DYNC2I2: variants seen among roughly 807,000 people sequenced by gnomAD.
DYNC2I2 encodes the protein cytoplasmic dynein 2 intermediate chain 2.
DYNC2I2 carries 39 observed loss-of-function variants against 52.0 expected under a neutral mutation model. The ratio of observed to expected loss-of-function variants is 0.75; its 90% CI spans 0.58 to 0.98. DYNC2I2 has a LOEUF of 0.98. DYNC2I2 is among the 50% of genes least tolerant of loss of function. The pLI is 0.00. For synonymous variants in DYNC2I2, 359 were observed against 321.1 expected, an observed-to-expected ratio of 1.12 and a Z score of -1.26; for missense variants, 743 against 728.4, an observed-to-expected ratio of 1.02 and a Z score of -0.23.
At chr9:128,636,855 G>A in intron 3 of DYNC2I2, 63 bp downstream of exon 3, 1 of 1,305,980 alleles carries the variant, frequency 7.7e-7, no homozygotes, top group Admixed American at 1.9e-5. Flanking sequence ...CAGCTACAGA[G>A]ACAAGGCCCA....
At chr9:128,644,685 G>A (rs928885425) in intron 1 of DYNC2I2, among the ~76,000 whole-genome samples, 15 of 152,130 alleles carry the variant, frequency 9.9e-5, no homozygotes, top group South Asian at 8.3e-4. Context: ...GTGTCACTGC[G>A]CTCTGCTTCA....
chr9:128,637,993 T>C (rs1263710922), intron 2 of DYNC2I2, among the ~76,000 whole-genome samples: 1 of 152,046 alleles, frequency 6.6e-6, no homozygotes. Flanking sequence ...TCTCAGCACT[T>C]TGGGAGGCTG....
chr9:128,641,772 GCAGGACTCAC>G (rs1381230219), intron 1 of DYNC2I2, among the ~76,000 whole-genome samples: 2 of 152,032 alleles, frequency 1.3e-5, no homozygotes, highest in African/African-American at 2.4e-5. Flanking sequence ...GAGGAAGAGG[GCAGGACTCAC>G]CAGGACAGTT....
the DYNC2I2 span, among the ~76,000 whole-genome samples, chr9:128,667,518 G>T: frequency 6.7e-6 from 1 of 149,384 alleles, no homozygotes; most frequent in Non-Finnish European, 1.5e-5. Flanking sequence ...TAGAGATGGG[G>T]TTTCATTATG....
chr9:128,672,216 C>G, the DYNC2I2 span, among the ~76,000 whole-genome samples: 1 of 151,580 alleles, frequency 6.6e-6, no homozygotes, highest in Non-Finnish European at 1.5e-5. Flanking sequence ...GTGATCCGCC[C>G]GTCTCGGCCT....
At chr9:128,641,285 C>CAGA (rs1305707452) in intron 1 of DYNC2I2, among the ~76,000 whole-genome samples, 1 of 152,106 alleles carries the variant, frequency 6.6e-6, no homozygotes, top group African/African-American at 2.4e-5. Context: ...GGAGGGCAGG[C>CAGA]AGAACCACAT....
the DYNC2I2 span, among the ~76,000 whole-genome samples, chr9:128,681,021 T>C: frequency 6.6e-6 from 1 of 152,082 alleles, no homozygotes; most frequent in Admixed American, 6.6e-5. Flanking sequence ...GTATACTATT[T>C]TGTGTCTTTG....
the DYNC2I2 span, among the ~76,000 whole-genome samples, chr9:128,673,217 T>A: frequency 4.6e-5 from 7 of 152,142 alleles, no homozygotes; most frequent in African/African-American, 1.7e-4. Context: ...GTATAGCACA[T>A]TTACCCAACA....
the DYNC2I2 span, among the ~76,000 whole-genome samples, chr9:128,678,877 G>C: frequency 6.6e-6 from 1 of 152,150 alleles, no homozygotes; most frequent in African/African-American, 2.4e-5. Flanking sequence ...AGAGCATCCT[G>C]GCTAACATGG....
intron 1 of DYNC2I2, among the ~76,000 whole-genome samples, chr9:128,654,094 A>G (rs968925508): frequency 2.0e-5 from 3 of 152,220 alleles, no homozygotes; most frequent in Non-Finnish European, 4.4e-5. Context: ...TGAATCATCA[A>G]TTGACCTGCG....
chr9:128,682,064 CT>C, the DYNC2I2 span, among the ~76,000 whole-genome samples: 1,892 of 141,712 alleles, frequency 0.013, 13 homozygotes, highest in African/African-American at 0.029. Flanking sequence ...CAGAGTGAGA[CT>C]TTTTTTTTTT....
chr9:128,642,242 G>A (rs546599586), intron 1 of DYNC2I2, among the ~76,000 whole-genome samples: 10 of 143,524 alleles, frequency 7.0e-5, no homozygotes, highest in African/African-American at 1.6e-4. Context: ...AGCCAAGATC[G>A]TGCCACTACA....
chr9:128,672,664 C>G, the DYNC2I2 span, among the ~76,000 whole-genome samples: 1 of 151,836 alleles, frequency 6.6e-6, no homozygotes, highest in Non-Finnish European at 1.5e-5. Context: ...AAGCCAGATT[C>G]AATGAAATGT....
the DYNC2I2 span, among the ~76,000 whole-genome samples, chr9:128,674,400 C>T: frequency 4.0e-5 from 6 of 151,426 alleles, no homozygotes; most frequent in African/African-American, 1.5e-4. Context: ...TCTCAAAGTG[C>T]TGGGATTACA....
In DYNC2I2 at chr9:128,633,846, G is replaced by A. The variant is rs1860245364; in HGVS notation, c.1509C>T (p.Ala503=). The A allele has an allele frequency of 6.2e-7, 1 of 1,613,552 alleles. No homozygotes were observed. The highest frequency in any genetic ancestry group is 8.5e-7 in the Non-Finnish European group (1 of 1,180,026). The part of the protein sequence containing the change: ...QQTQLLAAGD[A]QGTVKVWQLS... ...GCTGCCACACCTTCACTGTGCCCTGGGCATCGCCCGCAGCCAAGAGCTGAG... is the reference window on the plus strand; with the variant it reads ...GCTGCCACACCTTCACTGTGCCCTGAGCATCGCCCGCAGCCAAGAGCTGAG... The change falls in exon 9 of 9, where the codon GCC becomes GCT. Residue 503 remains alanine, a synonymous_variant. Transcript: ENST00000372715.
At chr9:128,667,015 A>C in the DYNC2I2 span, among the ~76,000 whole-genome samples, 1 of 152,020 alleles carries the variant, frequency 6.6e-6, no homozygotes, top group South Asian at 2.1e-4. Context: ...CCTGGCCAAC[A>C]TGGTGAAACC....
the DYNC2I2 span, among the ~76,000 whole-genome samples, chr9:128,673,276 T>G: frequency 6.6e-6 from 1 of 152,288 alleles, no homozygotes; most frequent in African/African-American, 2.4e-5. Context: ...ATGTTCTTAT[T>G]TATACATAAT....
intron 2 of DYNC2I2, among the ~76,000 whole-genome samples, 194 bp from the exon 3 acceptor site, chr9:128,637,221 T>C (rs1316705908): frequency 6.6e-6 from 1 of 152,214 alleles, no homozygotes. Context: ...CCAGAAGGCA[T>C]GGCCTGAGAA....
chr9:128,648,799 C>A (rs1049471522), intron 1 of DYNC2I2, among the ~76,000 whole-genome samples: 123 of 132,074 alleles, frequency 9.3e-4, no homozygotes, highest in Non-Finnish European at 9.9e-4. Context: ...GACTCCGTTT[C>A]AAAAAAAAAA....
Sources: allele counts gnomAD v4.1 joint callset (sites outside exome capture counted in the v4.1 genomes callset), GRCh38; gene constraint gnomAD v4.1.1; transcripts MANE v1.5; gene names NCBI Gene and HGNC (gene_info 2026-07-23, HGNC 2026-07-21).